The following HS3ST5 variants were observed in gnomAD, a reference collection of about 807,000 sequenced individuals.
HS3ST5 encodes the protein heparan sulfate-glucosamine 3-sulfotransferase 5, also known as heparan sulfate glucosamine 3-O-sulfotransferase 5.
HS3ST5 carries 10 observed loss-of-function variants against 25.4 expected under a neutral mutation model. The observed-to-expected ratio is 0.39, with a 90% CI of 0.24 to 0.67. The LOEUF (loss-of-function observed/expected upper bound fraction) is 0.67, where lower values mean the gene tolerates loss of function less well. Among genes scored for constraint, HS3ST5 ranks in the 30% least tolerant of loss-of-function variants. The pLI is 0.44. For missense variants in HS3ST5, 324 were observed against 420.7 expected (o/e 0.77, Z 2.01); for synonymous variants, 170 against 162.4 (o/e 1.05, Z -0.36).
chr6:114,065,379 T>C (rs921255950), intron 3 of HS3ST5, among the ~76,000 whole-genome samples: 5 of 152,228 alleles, frequency 3.3e-5, no homozygotes, highest in Admixed American at 6.5e-5. Flanking sequence ...TGCTTTGGGC[T>C]CTGATCCTTG....
At chr6:114,189,007 TA>T (rs1415776501) in intron 2 of HS3ST5, among the ~76,000 whole-genome samples, 8 of 152,158 alleles carry the variant, frequency 5.3e-5, no homozygotes, top group African/African-American at 1.9e-4. Flanking sequence ...CTTGATTCCT[TA>T]AATCATATAT....
chr6:114,236,643 T>C (rs1771868586), intron 1 of HS3ST5, among the ~76,000 whole-genome samples: 1 of 152,170 alleles, frequency 6.6e-6, no homozygotes, highest in African/African-American at 2.4e-5. Flanking sequence ...CAATATTTTG[T>C]GTGTGCGCAA....
chr6:114,084,518 G>C (rs1001800685), intron 3 of HS3ST5: 16 of 758,700 alleles, frequency 2.1e-5, no homozygotes, highest in Admixed American at 3.4e-5. Flanking sequence ...AGAACTTCCC[G>C]AGCCGGCGTC....
chr6:114,269,058 T>C (rs555452453), intron 1 of HS3ST5, among the ~76,000 whole-genome samples: 1 of 152,332 alleles, frequency 6.6e-6, no homozygotes, highest in Non-Finnish European at 1.5e-5. Context: ...AGTTCATTAG[T>C]TGCTTTCTAA....
intron 3 of HS3ST5, among the ~76,000 whole-genome samples, chr6:114,151,715 AG>A (rs1438543100): frequency 6.6e-6 from 1 of 152,204 alleles, no homozygotes; most frequent in Admixed American, 6.5e-5. Flanking sequence ...ATATATTTAA[AG>A]CTCCTTTGAA....
intron 2 of HS3ST5, among the ~76,000 whole-genome samples, chr6:114,201,407 C>A (rs958877365): frequency 6.6e-6 from 1 of 152,154 alleles, no homozygotes; most frequent in African/African-American, 2.4e-5. Flanking sequence ...TTCCAATAGT[C>A]GTTTACTAGT....
chr6:114,194,518 A>G (rs1342482019), intron 2 of HS3ST5, among the ~76,000 whole-genome samples: 1 of 152,136 alleles, frequency 6.6e-6, no homozygotes, highest in Non-Finnish European at 1.5e-5. Context: ...ATTTCAACCA[A>G]CTGCCTGATT....
At chr6:114,172,345 C>T in intron 2 of HS3ST5, among the ~76,000 whole-genome samples, 1 of 152,162 alleles carries the variant, frequency 6.6e-6, no homozygotes, top group East Asian at 1.9e-4. Context: ...ATGAGTAACA[C>T]ATACAAATAT....
intron 1 of HS3ST5, among the ~76,000 whole-genome samples, chr6:114,232,618 C>CT (rs1771651769): frequency 6.6e-6 from 1 of 152,174 alleles, no homozygotes; most frequent in African/African-American, 2.4e-5. Context: ...CCAGTGTTCT[C>CT]TTTTTGTAAA....
chr6:114,196,769 T>C (rs2114339209), intron 2 of HS3ST5, among the ~76,000 whole-genome samples: 2 of 152,302 alleles, frequency 1.3e-5, no homozygotes, highest in Middle Eastern at 6.8e-3. Context: ...TGATTATTTT[T>C]TGAAGTTACT....
chr6:114,081,208 A>G (rs891655017), intron 3 of HS3ST5, among the ~76,000 whole-genome samples: 1 of 152,226 alleles, frequency 6.6e-6, no homozygotes, highest in Non-Finnish European at 1.5e-5. Context: ...ATCACTGATC[A>G]CAGATCACCA....
intron 2 of HS3ST5, among the ~76,000 whole-genome samples, chr6:114,221,972 A>T (rs1409055114): frequency 7.1e-6 from 1 of 140,308 alleles, no homozygotes; most frequent in Non-Finnish European, 1.6e-5. Context: ...AGAGCTTGTA[A>T]GTATCTCAAG....
intron 1 of HS3ST5, among the ~76,000 whole-genome samples, chr6:114,245,104 G>C (rs1220925638): frequency 6.6e-6 from 1 of 152,148 alleles, no homozygotes; most frequent in African/African-American, 2.4e-5. Context: ...CAGTGTAGAA[G>C]ATCTATATTG....
At chr6:114,320,921 T>TAC (rs1775944405) in intron 1 of HS3ST5, among the ~76,000 whole-genome samples, 3 of 109,378 alleles carry the variant, frequency 2.7e-5, no homozygotes, top group Non-Finnish European at 5.6e-5. Flanking sequence ...TCTCTATATA[T>TAC]ATATATATAT....
intron 2 of HS3ST5, among the ~76,000 whole-genome samples, chr6:114,191,621 T>C (rs1223405820): frequency 2.0e-5 from 3 of 152,268 alleles, no homozygotes; most frequent in African/African-American, 7.2e-5. Context: ...TTAAGTTGAG[T>C]GAGGATAATC....
intron 3 of HS3ST5, among the ~76,000 whole-genome samples, chr6:114,138,326 GTTCT>G (rs1777738538): frequency 6.6e-6 from 1 of 152,088 alleles, no homozygotes; most frequent in Non-Finnish European, 1.5e-5. Flanking sequence ...GATTAATTTT[GTTCT>G]CTAAAAAAGA....
chr6:114,142,472 G>C (rs899805178), intron 3 of HS3ST5, among the ~76,000 whole-genome samples: 1 of 152,164 alleles, frequency 6.6e-6, no homozygotes, highest in Admixed American at 6.5e-5. Context: ...GGAGGTAAGC[G>C]TGGCTGGGAG....
chr6:114,103,700 CT>C (rs1775843555), intron 3 of HS3ST5, among the ~76,000 whole-genome samples: 1 of 141,766 alleles, frequency 7.1e-6, no homozygotes, highest in Middle Eastern at 3.2e-3. Context: ...TCTTTTTCTT[CT>C]TCTTTTTTTT....
chr6:114,332,043 T>C (rs1225080989), intron 1 of HS3ST5, among the ~76,000 whole-genome samples: 1 of 152,134 alleles, frequency 6.6e-6, no homozygotes, highest in African/African-American at 2.4e-5. Context: ...GCTCATGGAC[T>C]ATTACAGAAC....
Sources: gnomAD v4.1 joint callset for allele counts (sites outside exome capture counted in the v4.1 genomes callset) on GRCh38, gnomAD v4.1.1 for gene constraint, MANE v1.5 for transcripts, NCBI Gene and HGNC (gene_info 2026-07-23, HGNC 2026-07-21) for gene names.